The following MGAT5 variants were observed in gnomAD, a reference collection of about 807,000 sequenced individuals.
The protein encoded by MGAT5 is alpha-1,6-mannosylglycoprotein 6-beta-N-acetylglucosaminyltransferase, also known as alpha-1,6-mannosylglycoprotein 6-beta-N-acetylglucosaminyltransferase A.
In MGAT5, 30 loss-of-function variants were observed where a neutral mutation model predicts 94.3. That is an observed-to-expected ratio of 0.32 (90% confidence interval 0.24 to 0.43). The LOEUF (loss-of-function observed/expected upper bound fraction) is 0.43, where lower values mean the gene tolerates loss of function less well. MGAT5 is among the 20% of genes least tolerant of loss of function. The pLI, the probability that MGAT5 is intolerant of heterozygous loss-of-function variation, is 1.00. For synonymous variants in MGAT5, 310 were observed against 322.9 expected (o/e 0.96, Z 0.43); for missense variants, 691 against 905.5 (o/e 0.76, Z 3.04).
chr2:134,315,244 G>A (rs1207303508), intron 2 of MGAT5, among the ~76,000 whole-genome samples: 1 of 152,126 alleles, frequency 6.6e-6, no homozygotes, highest in Non-Finnish European at 1.5e-5. Flanking sequence ...TATCTGTGGT[G>A]TAAAGGGGGT....
At chr2:134,142,043 C>G (rs1182630241) in intron 1 of MGAT5, among the ~76,000 whole-genome samples, 1 of 152,112 alleles carries the variant, frequency 6.6e-6, no homozygotes, top group African/African-American at 2.4e-5. Flanking sequence ...CAAGGGAGAG[C>G]AGGGGAACTT....
At chr2:134,240,055 GA>G (rs967864871) in intron 1 of MGAT5, among the ~76,000 whole-genome samples, 10 of 151,456 alleles carry the variant, frequency 6.6e-5, no homozygotes, top group Admixed American at 1.3e-4. Context: ...ATATGAAGAT[GA>G]AAAAAAAATT....
At chr2:134,314,593 A>G (rs1326944422) in intron 2 of MGAT5, among the ~76,000 whole-genome samples, 1 of 152,208 alleles carries the variant, frequency 6.6e-6, no homozygotes, top group Non-Finnish European at 1.5e-5. Context: ...TAGGAGAGAC[A>G]TGAGCAGGAG....
At chr2:134,344,600 A>T (rs1046890612) in intron 7 of MGAT5, among the ~76,000 whole-genome samples, 3 of 152,138 alleles carry the variant, frequency 2.0e-5, no homozygotes, top group African/African-American at 7.2e-5. Flanking sequence ...TTTCTGGAAG[A>T]TGAGCAAAGA....
In MGAT5 at chr2:134,384,279, T is replaced by TC. The variant is rs1681827688; in HGVS notation, c.1381-18709_1381-18708insC. Among the ~76,000 whole-genome samples, 5 of 151,586 alleles carry TC rather than the reference T, an allele frequency of 3.3e-5. No individual in the cohort carries two copies. In the East Asian group the frequency reaches 5.8e-4, roughly 18 times the overall value. On this transcript the variant is annotated intron_variant, in intron 10 of 15. Coordinates refer to ENST00000281923, the MANE Select transcript of MGAT5 (RefSeq NM_002410.5). ...ACGCTGTGCCCAAGTCCTAGGCTTTTTCTCTCTCTCTCTCCGGGCATACAA... is the reference window on the plus strand; with the variant it reads ...ACGCTGTGCCCAAGTCCTAGGCTTTTCTCTCTCTCTCTCTCCGGGCATACAA...
chr2:134,416,845 T>TC (rs778370930), intron 12 of MGAT5, among the ~76,000 whole-genome samples: 1 of 149,542 alleles, frequency 6.7e-6, no homozygotes, highest in African/African-American at 2.5e-5. Flanking sequence ...GATCAAGTGA[T>TC]CCCCCCCACC....
chr2:134,387,322 A>ATT (rs1558847466), intron 10 of MGAT5, among the ~76,000 whole-genome samples: 1 of 48,954 alleles, frequency 2.0e-5, no homozygotes, highest in African/African-American at 9.3e-5. Context: ...ATATATATAT[A>ATT]TATATATATA....
intron 1 of MGAT5, among the ~76,000 whole-genome samples, chr2:134,142,551 C>G (rs139052604): frequency 6.6e-6 from 1 of 152,300 alleles, no homozygotes; most frequent in African/African-American, 2.4e-5. Flanking sequence ...GATGAGTGAA[C>G]TGAGGCACAG....
intron 6 of MGAT5, among the ~76,000 whole-genome samples, chr2:134,339,382 TTATATC>T (rs1688503863): frequency 6.6e-6 from 1 of 152,174 alleles, no homozygotes; most frequent in South Asian, 2.1e-4. Flanking sequence ...GAGAGGGAAT[TTATATC>T]TATGTATACA....
At chr2:134,133,856 C>T (rs1297204457) in intron 1 of MGAT5, among the ~76,000 whole-genome samples, 5 of 152,220 alleles carry the variant, frequency 3.3e-5, no homozygotes, top group South Asian at 4.2e-4. Flanking sequence ...CATGCTGATC[C>T]GTTCCTCTGT....
intron 1 of MGAT5, among the ~76,000 whole-genome samples, chr2:134,125,816 T>C (rs1685814640): frequency 6.6e-6 from 1 of 152,188 alleles, no homozygotes; most frequent in Non-Finnish European, 1.5e-5. Context: ...CGTATATCCT[T>C]TGGAATGAGG....
intron 2 of MGAT5, among the ~76,000 whole-genome samples, chr2:134,307,072 A>G (rs1321036404): frequency 6.6e-6 from 1 of 152,134 alleles, no homozygotes; most frequent in African/African-American, 2.4e-5. Flanking sequence ...ACAGATTTTT[A>G]TAGCTTTGTA....
intron 4 of MGAT5, among the ~76,000 whole-genome samples, chr2:134,333,514 G>A (rs983924891): frequency 4.6e-5 from 7 of 151,644 alleles, no homozygotes; most frequent in African/African-American, 1.5e-4. Context: ...CAGCACACCA[G>A]CATGGCACAT....
chr2:134,330,225 A>G (rs1459302328), intron 4 of MGAT5, among the ~76,000 whole-genome samples: 1 of 152,156 alleles, frequency 6.6e-6, no homozygotes, highest in East Asian at 1.9e-4. Flanking sequence ...ACCTGATCCA[A>G]CTCTAAAGTA....
intron 1 of MGAT5, among the ~76,000 whole-genome samples, chr2:134,237,948 A>G (rs1373406094): frequency 6.6e-6 from 1 of 151,814 alleles, no homozygotes; most frequent in Non-Finnish European, 1.5e-5. Context: ...ATGGTGTTTC[A>G]CCATGTTGGC....
chr2:134,191,440 G>C (rs900919013), intron 1 of MGAT5, among the ~76,000 whole-genome samples: 2 of 152,232 alleles, frequency 1.3e-5, no homozygotes, highest in African/African-American at 2.4e-5. Flanking sequence ...TGAAAGGGTG[G>C]GTTCGCCCCC....
At chr2:134,300,170 G>T (rs1165248144) in intron 2 of MGAT5, among the ~76,000 whole-genome samples, 1 of 152,108 alleles carries the variant, frequency 6.6e-6, no homozygotes, top group Non-Finnish European at 1.5e-5. Flanking sequence ...GCATGATGCT[G>T]GAAAATAATA....
chr2:134,445,704 A>G (rs1485355934), intron 15 of MGAT5, among the ~76,000 whole-genome samples: 1 of 152,216 alleles, frequency 6.6e-6, no homozygotes, highest in Non-Finnish European at 1.5e-5. Context: ...GAAACTAGGA[A>G]GAAAGGAAAG....
chr2:134,411,637 C>T (rs1460430992), intron 11 of MGAT5, among the ~76,000 whole-genome samples: 2 of 152,206 alleles, frequency 1.3e-5, no homozygotes, highest in African/African-American at 4.8e-5. Context: ...GTTGGCCTGA[C>T]ACATGCAGCC....
Sources: gnomAD v4.1 joint callset for allele counts (sites outside exome capture counted in the v4.1 genomes callset) on GRCh38, gnomAD v4.1.1 for gene constraint, MANE v1.5 for transcripts, NCBI Gene and HGNC (gene_info 2026-07-23, HGNC 2026-07-21) for gene names.